Variants in PRKG1 observed in about 807,000 individuals in gnomAD.
The protein encoded by PRKG1 is cGMP-dependent protein kinase 1.
Under a neutral mutation model 88.1 loss-of-function variants are expected in PRKG1, and 35 were observed. The ratio of observed to expected loss-of-function variants is 0.40; its 90% CI spans 0.30 to 0.53. The LOEUF is 0.53. Ranked by LOEUF, PRKG1 falls within the 20% of genes least tolerant of loss-of-function variation. The pLI is 0.59. For missense variants in PRKG1, 540 were observed against 839.8 expected (o/e 0.64, Z 4.41); for synonymous variants, 303 against 292.5 (o/e 1.04, Z -0.37).
intron 3 of PRKG1, among the ~76,000 whole-genome samples, chr10:51,578,763 T>C (rs1040824208): frequency 6.6e-6 from 1 of 152,144 alleles, no homozygotes; most frequent in African/African-American, 2.4e-5. Flanking sequence ...ATGTTACTCA[T>C]GCTAGCTCTG....
chr10:51,709,035 A>C (rs1841678326), intron 3 of PRKG1, among the ~76,000 whole-genome samples: 1 of 152,256 alleles, frequency 6.6e-6, no homozygotes, highest in Non-Finnish European at 1.5e-5. Context: ...TTTCCAATGC[A>C]CATTCTGCCA....
At chr10:51,725,785 C>T (rs1842117691) in intron 3 of PRKG1, among the ~76,000 whole-genome samples, 1 of 152,016 alleles carries the variant, frequency 6.6e-6, no homozygotes, top group Non-Finnish European at 1.5e-5. Flanking sequence ...AGGCACATGC[C>T]ACCATGCCTG....
At chr10:52,208,365 A>T (rs1223383496) in intron 9 of PRKG1, among the ~76,000 whole-genome samples, 1 of 152,244 alleles carries the variant, frequency 6.6e-6, no homozygotes, top group Non-Finnish European at 1.5e-5. Context: ...AGATCCTGTC[A>T]TAATTTAAAA....
chr10:51,369,115 C>A (rs1412481158), intron 2 of PRKG1, among the ~76,000 whole-genome samples: 1 of 152,068 alleles, frequency 6.6e-6, no homozygotes, highest in Non-Finnish European at 1.5e-5. Flanking sequence ...TGCCGTAATG[C>A]ACAATAAATG....
chr10:51,608,225 C>T (rs1351738868), intron 3 of PRKG1, among the ~76,000 whole-genome samples: 1 of 152,142 alleles, frequency 6.6e-6, no homozygotes, highest in African/African-American at 2.4e-5. Context: ...CATGGGAAGT[C>T]AGTACACCAA....
At chr10:52,069,367 C>T (rs1846436530) in intron 7 of PRKG1, among the ~76,000 whole-genome samples, 2 of 152,028 alleles carry the variant, frequency 1.3e-5, no homozygotes, top group African/African-American at 4.8e-5. Context: ...ACTGTCTCTA[C>T]TAAAAATACA....
intron 5 of PRKG1, among the ~76,000 whole-genome samples, chr10:52,034,532 A>G (rs990687052): frequency 6.6e-6 from 1 of 151,970 alleles, no homozygotes; most frequent in African/African-American, 2.4e-5. Flanking sequence ...AAGGTCTAAG[A>G]ATTGGGACGA....
rs1398020387 is a variant in PRKG1, at chr10:51,366,564, TTATCTCCAGA to T, written c.479-101157_479-101148del. Among the ~76,000 whole-genome samples, 8 of 152,040 alleles carry T rather than the reference TTATCTCCAGA, an allele frequency of 5.3e-5. 1 individual carries two copies. In the South Asian group the frequency reaches 1.7e-3, roughly 31 times the overall value. On this transcript the variant is annotated intron_variant, in intron 2 of 17. Transcript: ENST00000373980. The stretch of plus-strand genomic sequence containing the variant: ...ATAACATACCTATCTGTAAATACAG[TTATCTCCAGA>T]TTCTATCTCTCTGTTAAGTTAACAT...
At chr10:51,409,850 C>CAAAAAA (rs71459417) in intron 2 of PRKG1, among the ~76,000 whole-genome samples, 19,261 of 78,932 alleles carry the variant, frequency 0.24, 3,112 homozygotes, top group Non-Finnish European at 0.3. Flanking sequence ...GAGACTCTGT[C>CAAAAAA]AAAAAAAAAA....
chr10:51,149,344 T>C (rs182183724), intron 1 of PRKG1, among the ~76,000 whole-genome samples: 4 of 152,286 alleles, frequency 2.6e-5, no homozygotes, highest in African/African-American at 4.8e-5. Flanking sequence ...AATGGGGGCC[T>C]ATTTATTAAC....
intron 1 of PRKG1, among the ~76,000 whole-genome samples, chr10:51,095,343 T>A (rs1444573313): frequency 6.6e-6 from 1 of 152,130 alleles, no homozygotes; most frequent in Non-Finnish European, 1.5e-5. Context: ...AATGTTTTGG[T>A]CAAACGGTTT....
At chr10:51,976,351 C>A (rs1843832251) in intron 5 of PRKG1, among the ~76,000 whole-genome samples, 1 of 151,968 alleles carries the variant, frequency 6.6e-6, no homozygotes, top group South Asian at 2.1e-4. Context: ...GAAAGCCATG[C>A]AAATGTCTAT....
At chr10:52,078,038 C>T (rs770017644) in intron 7 of PRKG1, among the ~76,000 whole-genome samples, 2 of 152,158 alleles carry the variant, frequency 1.3e-5, no homozygotes, top group Non-Finnish European at 2.9e-5. Flanking sequence ...ACTGTCTACT[C>T]GACGACATCG....
intron 1 of PRKG1, among the ~76,000 whole-genome samples, chr10:51,084,200 A>G (rs1441648997): frequency 2.0e-5 from 3 of 152,208 alleles, no homozygotes; most frequent in Non-Finnish European, 4.4e-5. Flanking sequence ...ATCCAGCTTC[A>G]TGGAGTGCAT....
At chr10:51,288,243 G>A (rs538656497) in intron 2 of PRKG1, among the ~76,000 whole-genome samples, 21 of 151,904 alleles carry the variant, frequency 1.4e-4, no homozygotes, top group African/African-American at 4.6e-4. Flanking sequence ...TGTGCTTTTC[G>A]GGAGTCACAT....
At chr10:51,905,366 A>C (rs1842063834) in intron 4 of PRKG1, among the ~76,000 whole-genome samples, 1 of 152,202 alleles carries the variant, frequency 6.6e-6, no homozygotes. Context: ...GTGACAAATT[A>C]ACAACAAAAT....
chr10:51,781,267 G>A (rs912374645), intron 3 of PRKG1, among the ~76,000 whole-genome samples: 1 of 152,086 alleles, frequency 6.6e-6, no homozygotes, highest in Admixed American at 6.6e-5. Context: ...ATCATCAAAT[G>A]TCTTTGGGTC....
intron 3 of PRKG1, among the ~76,000 whole-genome samples, chr10:51,800,774 T>C (rs1564652100): frequency 6.6e-6 from 1 of 152,056 alleles, no homozygotes. Flanking sequence ...TATGGCCTTT[T>C]CTTGGTGCTT....
intron 3 of PRKG1, among the ~76,000 whole-genome samples, chr10:51,642,249 G>T (rs1014299531): frequency 6.6e-6 from 1 of 152,050 alleles, no homozygotes; most frequent in Admixed American, 6.6e-5. Flanking sequence ...AATCAGCTAG[G>T]CGTGGTGGTG....
Sources: gnomAD v4.1 joint callset for allele counts (sites outside exome capture counted in the v4.1 genomes callset) on GRCh38, gnomAD v4.1.1 for gene constraint, MANE v1.5 for transcripts, NCBI Gene and HGNC (gene_info 2026-07-23, HGNC 2026-07-21) for gene names.